The following ZNF208 variants were observed in gnomAD, a reference collection of about 807,000 sequenced individuals.
ZNF208 encodes zinc finger protein 95.
Under a neutral mutation model 12.1 loss-of-function variants are expected in ZNF208, and 10 were observed. The ratio of observed to expected loss-of-function variants is 0.83; its 90% CI spans 0.51 to 1.40. The LOEUF (loss-of-function observed/expected upper bound fraction) is 1.40. Among genes scored for constraint, ZNF208 ranks in the 40% most tolerant of loss-of-function variants. The probability of loss-of-function intolerance (pLI) is 0.00; values close to 1 mark genes in which losing one functional copy is unlikely to be tolerated. For synonymous variants in ZNF208, 497 were observed against 488.4 expected, an observed-to-expected ratio of 1.02 and a Z score of -0.23; for missense variants, 1,652 against 1,485.0, an observed-to-expected ratio of 1.11 and a Z score of -1.85.
chr19:21,979,717 T>A (rs1970500638), intron 3 of ZNF208, among the ~76,000 whole-genome samples: 1 of 152,106 alleles, frequency 6.6e-6, no homozygotes, highest in Non-Finnish European at 1.5e-5. Context: ...CAGGATCAAA[T>A]TCACACACAA....
intron 3 of ZNF208, among the ~76,000 whole-genome samples, chr19:21,980,949 C>T (rs2145559582): frequency 6.6e-6 from 1 of 152,180 alleles, no homozygotes; most frequent in East Asian, 1.9e-4. Flanking sequence ...TACAAATAAA[C>T]TAGAAAATCT....
intron 1 of ZNF208, among the ~76,000 whole-genome samples, chr19:22,008,763 C>T (rs1196731197): frequency 6.6e-6 from 1 of 152,104 alleles, no homozygotes; most frequent in African/African-American, 2.4e-5. Context: ...AAGGGGTTAG[C>T]TTTCCAAAAA....
intron 4 of ZNF208, among the ~76,000 whole-genome samples, chr19:21,952,752 C>A (rs1311907325): frequency 1.3e-5 from 2 of 152,146 alleles, no homozygotes; most frequent in African/African-American, 4.8e-5. Flanking sequence ...AAAACCAGGG[C>A]ACCTTTTCTC....
At chr19:21,950,153 G>A (rs1043002449) in intron 4 of ZNF208, among the ~76,000 whole-genome samples, 9 of 152,066 alleles carry the variant, frequency 5.9e-5, no homozygotes, top group African/African-American at 9.7e-5. Context: ...AATGAAAAGC[G>A]AATATCCAAG....
chr19:21,964,862 G>C (rs893239581), downstream of ZNF208, among the ~76,000 whole-genome samples: 1 of 151,340 alleles, frequency 6.6e-6, no homozygotes, highest in African/African-American at 2.4e-5. Context: ...CTTACAATGG[G>C]GTTTTAAATG....
At chr19:21,993,171 T>C (rs1372551953) in intron 1 of ZNF208, among the ~76,000 whole-genome samples, 1 of 151,998 alleles carries the variant, frequency 6.6e-6, no homozygotes, top group African/African-American at 2.4e-5. Flanking sequence ...GAGATAAAAA[T>C]ATGCTTTTCT....
At chr19:21,960,724 GAA>G (rs371328969) in intron 4 of ZNF208, among the ~76,000 whole-genome samples, 139 of 152,272 alleles carry the variant, frequency 9.1e-4, no homozygotes, top group African/African-American at 3.2e-3. Context: ...GCCACAACCA[GAA>G]AGTCTTTGCT....
chr19:21,959,083 TAA>T (rs879462154), intron 4 of ZNF208, among the ~76,000 whole-genome samples: 1 of 145,088 alleles, frequency 6.9e-6, no homozygotes, highest in African/African-American at 2.5e-5. Context: ...GTCTCATGAT[TAA>T]AAAAAAAAAG....
intron 1 of ZNF208, among the ~76,000 whole-genome samples, chr19:22,008,317 GA>G (rs928709826): frequency 2.4e-4 from 24 of 99,808 alleles, no homozygotes; most frequent in Non-Finnish European, 3.5e-4. Context: ...AAAAAAAAAA[GA>G]AAAAAAAAAC....
rs1243807008 is a variant in ZNF208 at position 21,994,377 on chromosome 19, G to T, written c.4-5468C>A. On this transcript the variant is annotated intron_variant, in intron 1 of 3. Transcript: ENST00000397126. Reference sequence around the variant, plus strand: ...AACACCAGCTCTAAAAAGGCAACAGGATTCATGACCCAAAACTCTGATCTC... The same window carrying T: ...AACACCAGCTCTAAAAAGGCAACAGTATTCATGACCCAAAACTCTGATCTC... Among the ~76,000 whole-genome samples the T allele has an allele frequency of 3.3e-5, 5 of 152,090 alleles. No homozygotes were observed. In the South Asian group the frequency reaches 8.3e-4, roughly 25 times the overall value.
rs1970643312 is a variant in ZNF208 at position 21,987,260 on chromosome 19, T to A, written c.182A>T (p.Glu61Val). The change falls in exon 3 of 4, where the codon GAG becomes GTG. Residue 61 changes from glutamate (E) to valine (V), a missense_variant. By Grantham distance (121) the Glu-to-Val change is moderately radical. Coordinates refer to ENST00000397126, the MANE Select transcript of ZNF208 (RefSeq NM_007153.3). ...CTCATGTCTCTTCATATTCCAGGAC[T>A]CTTTTCCTTCCTCCAGAAAAATGAT... ...DLIIFLEEGK[E>V]SWNMKRHEMV... 2 of 1,612,908 alleles carry A rather than the reference T, an allele frequency of 1.2e-6. No homozygotes were observed. The highest frequency in any genetic ancestry group is 4.5e-5 in the East Asian group (2 of 44,788).
At chr19:21,956,384 A>C (rs1349100643) in intron 4 of ZNF208, among the ~76,000 whole-genome samples, 1 of 152,224 alleles carries the variant, frequency 6.6e-6, no homozygotes, top group Non-Finnish European at 1.5e-5. Context: ...GGGACATTTA[A>C]GTCTGCAGAA....
At position 21,971,956 on chromosome 19, in the gene ZNF208, C is replaced by G; in HGVS notation, c.3078G>C (p.Glu1026Asp). ...CACATTCTTCACATTTGTAGGGTGT[C>G]TCTCCAGTGTGAATTTTCTTATGTT... ...LMEHKKIHTG[E>D]TPYKCEECDK... The change falls in exon 4 of 4, where the codon GAG becomes GAC. Residue 1026 changes from glutamate (E) to aspartate (D), a missense_variant. Coordinates refer to ENST00000397126, the MANE Select transcript of ZNF208 (RefSeq NM_007153.3). 6.3e-7 allele frequency: 1 copy of G among 1,576,120 alleles called. No homozygotes were observed. Among genetic ancestry groups the G allele is most frequent in the South Asian group, 1.1e-5 (1 of 90,096 alleles).
At position 21,969,074 on chromosome 19, in the gene ZNF208, A is replaced by T. The variant is rs888583161; in HGVS notation, c.*2117T>A. On this transcript the variant is annotated 3_prime_UTR_variant, in exon 4 of 4. Coordinates refer to ENST00000397126, the MANE Select transcript of ZNF208 (RefSeq NM_007153.3). ...CGGCGGGCGCCTGTAGTCCCAGCTAATTGGGAGGCTGAGGTGGGAGAATGG... is the reference window on the plus strand; with the variant it reads ...CGGCGGGCGCCTGTAGTCCCAGCTATTTGGGAGGCTGAGGTGGGAGAATGG... 6.6e-6 allele frequency among the ~76,000 whole-genome samples: 1 copy of T among 152,078 alleles called. No individual in the cohort carries two copies. Among genetic ancestry groups the T allele is most frequent in the African/African-American group, 2.4e-5 (1 of 41,444 alleles).
At chr19:21,977,587 C>A (rs1599619526) in intron 3 of ZNF208, among the ~76,000 whole-genome samples, 2 of 152,300 alleles carry the variant, frequency 1.3e-5, no homozygotes, top group Non-Finnish European at 2.9e-5. Context: ...GCCTGCAGAC[C>A]AGGAGATTCC....
chr19:22,000,997 C>G (rs2145581638), intron 1 of ZNF208, among the ~76,000 whole-genome samples: 1 of 152,176 alleles, frequency 6.6e-6, no homozygotes, highest in Non-Finnish European at 1.5e-5. Flanking sequence ...ACACAAAAAT[C>G]AAAGCCCTGG....
In ZNF208 at chr19:21,973,393, A is replaced by T. The variant is rs754855678; in HGVS notation, c.1641T>A (p.His547Gln). The T allele has an allele frequency of 1.7e-5, 27 of 1,611,826 alleles. No homozygotes were observed. In the South Asian group the frequency reaches 2.4e-4, roughly 14 times the overall value. The change falls in exon 4 of 4, where the codon CAT becomes CAA. Residue 547 changes from histidine to glutamine, a missense_variant. Around this residue, in one of 3 missense-constraint regions of ZNF208, gnomAD observed 1,239 missense variants for 1,086.2 expected, o/e 1.14. Coordinates refer to ENST00000397126, the MANE Select transcript of ZNF208 (RefSeq NM_007153.3). ...CACATTTGTAGGGTTTCTCTCCAGTATGAATTACCTTATGTTTAGTAAGGA... is the reference window on the plus strand; with the variant it reads ...CACATTTGTAGGGTTTCTCTCCAGTTTGAATTACCTTATGTTTAGTAAGGA... ...FSILTKHKVI[H>Q]TGEKPYKCEE...
downstream of ZNF208, among the ~76,000 whole-genome samples, chr19:21,962,930 G>A (rs576416916): frequency 1.3e-5 from 2 of 151,990 alleles, no homozygotes; most frequent in African/African-American, 4.8e-5. Context: ...TTTGTCAATA[G>A]AAACAATAAT....
At position 21,972,840 on chromosome 19, in the gene ZNF208, T is replaced by C. The variant is rs778197671; in HGVS notation, c.2194A>G (p.Thr732Ala). 5.6e-6 allele frequency: 9 copies of C among 1,610,620 alleles called. No homozygotes were observed. In the South Asian group the frequency reaches 9.9e-5, roughly 18 times the overall value. Residue 732 changes from threonine to alanine, a missense_variant, in exon 4 of 4, where the codon ACA (threonine) becomes GCA (alanine). This residue lies in a region of ZNF208 where 1,239 missense variants were observed against 1,086.2 expected (regional missense o/e 1.14). Coordinates refer to ENST00000397126, the MANE Select transcript of ZNF208 (RefSeq NM_007153.3). ...TTATGTTTAGTAAGGACTGAGAATG[T>C]ACTAAAGCTTTTGCCACATTCTTCA... Reference protein sequence around the residue: ...KCEECGKSFSTFSVLTKHKVI... With the variant: ...KCEECGKSFSAFSVLTKHKVI...
Sources: gnomAD v4.1 joint callset for allele counts (sites outside exome capture counted in the v4.1 genomes callset) on GRCh38, gnomAD v4.1.1 for gene constraint, gnomAD v4.1.1 regional missense constraint, MANE v1.5 for transcripts, NCBI Gene and HGNC (gene_info 2026-07-23, HGNC 2026-07-21) for gene names.